Variants in ARHGAP44 observed in about 807,000 individuals in gnomAD.
The protein encoded by ARHGAP44 is Rho GTPase activating protein 44, also known as rho GTPase-activating protein 44.
In ARHGAP44, 43 loss-of-function variants were observed where a neutral mutation model predicts 106.8. The ratio of observed to expected loss-of-function variants is 0.40; its 90% CI spans 0.32 to 0.52. ARHGAP44 has a LOEUF of 0.52. Ranked by LOEUF, ARHGAP44 falls within the 20% of genes least tolerant of loss-of-function variation. The pLI is 0.48. For missense variants in ARHGAP44, 866 were observed against 1,050.5 expected (o/e 0.82, Z 2.43); for synonymous variants, 439 against 410.3 (o/e 1.07, Z -0.85).
intron 1 of ARHGAP44, among the ~76,000 whole-genome samples, chr17:12,840,734 A>G (rs1280652817): frequency 6.6e-6 from 1 of 152,176 alleles, no homozygotes; most frequent in Non-Finnish European, 1.5e-5. Context: ...TGCCCCATGT[A>G]AAGAGCGGAG....
chr17:12,829,546 G>T (rs1047834931), intron 1 of ARHGAP44, among the ~76,000 whole-genome samples: 2 of 152,000 alleles, frequency 1.3e-5, no homozygotes, highest in Non-Finnish European at 2.9e-5. Context: ...AGTCTCAATT[G>T]TACATAGAAC....
chr17:12,833,046 C>T lies in ARHGAP44; in HGVS notation c.53+43155C>T, dbSNP rs1293378373. Among the ~76,000 whole-genome samples, 7 of 152,306 alleles carry T rather than the reference C, an allele frequency of 4.6e-5. No individual in the cohort carries two copies. The East Asian group carries it at 1.2e-3, about 25-fold the overall frequency. On this transcript the variant is annotated intron_variant, in intron 1 of 20. Transcript: ENST00000379672. ...TGGGCACAGTACTATTTGAGAGCTC[C>T]CCTGTGTCCCTGCTCCATTCCCAGG... is the stretch of plus-strand genomic sequence containing the variant.
chr17:12,855,787 A>G (rs1477423772), intron 1 of ARHGAP44, among the ~76,000 whole-genome samples: 1 of 152,204 alleles, frequency 6.6e-6, no homozygotes, highest in African/African-American at 2.4e-5. Context: ...TGTGTGATGA[A>G]GTGTCTAGCA....
At chr17:12,920,744 G>T (rs956147240) in intron 6 of ARHGAP44, among the ~76,000 whole-genome samples, 1 of 152,170 alleles carries the variant, frequency 6.6e-6, no homozygotes, top group African/African-American at 2.4e-5. Flanking sequence ...TGATGGTGTA[G>T]GTGTCTGCTT....
chr17:12,965,712 C>T (rs6502222), intron 16 of ARHGAP44, among the ~76,000 whole-genome samples: 2,364 of 152,314 alleles, frequency 0.016, 62 homozygotes, highest in African/African-American at 0.054. Flanking sequence ...CAGACCTCCA[C>T]AGGGGGCTGT....
chr17:12,938,580 A>ATT lies in ARHGAP44; in HGVS notation c.583-2475_583-2474dup, dbSNP rs11450787. On this transcript the variant is annotated intron_variant, in intron 7 of 20. Coordinates refer to ENST00000379672, the MANE Select transcript of ARHGAP44 (RefSeq NM_014859.6). The stretch of plus-strand genomic sequence containing the variant: ...TTCTGGGACATTTGGTTAGCTATAT[A>ATT]TTAAAAAAAAAAAAAAAAAAAAACA... Among the ~76,000 whole-genome samples the ATT allele has an allele frequency of 1.5e-3, 187 of 120,778 alleles. 2 individuals carry two copies. The highest frequency in any genetic ancestry group is 9.4e-3 in the South Asian group (30 of 3,190). The allele number at this position is 120,778 out of a possible 152,430, so 79.2% of individuals were successfully genotyped here. A position where few individuals can be genotyped will look rare whatever the true frequency, so the allele number is the denominator to read the frequency against.
intron 3 of ARHGAP44, among the ~76,000 whole-genome samples, chr17:12,904,977 C>T (rs892334431): frequency 2.6e-5 from 4 of 152,264 alleles, no homozygotes; most frequent in Admixed American, 2.6e-4. Flanking sequence ...TCTCAGCTCA[C>T]TGCAACCTCT....
intron 7 of ARHGAP44, among the ~76,000 whole-genome samples, chr17:12,933,278 G>A (rs967780888): frequency 1.3e-5 from 2 of 152,156 alleles, no homozygotes; most frequent in Non-Finnish European, 2.9e-5. Flanking sequence ...CCAGCCAAGT[G>A]CCAGTTTGTA....
chr17:12,967,493 T>C (rs1007004756), intron 16 of ARHGAP44, among the ~76,000 whole-genome samples: 1 of 152,088 alleles, frequency 6.6e-6, no homozygotes, highest in Non-Finnish European at 1.5e-5. Flanking sequence ...TTCTGAACCC[T>C]GCCATCATGG....
At chr17:12,910,197 C>A in intron 4 of ARHGAP44, among the ~76,000 whole-genome samples, 1 of 149,084 alleles carries the variant, frequency 6.7e-6, no homozygotes, top group African/African-American at 2.5e-5. Flanking sequence ...TTCACAGAAA[C>A]AGAAGAAAGA....
Position 12,910,966 on chromosome 17 carries a change from G to T in ARHGAP44, c.275+1993G>T, listed in dbSNP as rs372066125. On this transcript the variant is annotated intron_variant, in intron 4 of 20. Coordinates refer to ENST00000379672, the MANE Select transcript of ARHGAP44 (RefSeq NM_014859.6). ...CTAACCACAAAAAGAATAGAAATAG[G>T]ATATATAACTTTCAAACTAACAAAG... Among the ~76,000 whole-genome samples, 3 of 141,648 alleles carry T rather than the reference G, an allele frequency of 2.1e-5. 1 individual carries two copies. The highest frequency in any genetic ancestry group is 2.6e-5 in the African/African-American group (1 of 38,000). The allele number at this position is 141,648 out of a possible 152,430, so 92.9% of individuals were successfully genotyped here. A position where few individuals can be genotyped will look rare whatever the true frequency, so the allele number is the denominator to read the frequency against.
Position 12,949,093 on chromosome 17 carries a change from G to A in ARHGAP44, c.862-47G>A, listed in dbSNP as rs2143071077. 3 of 1,523,134 alleles carry A rather than the reference G, an allele frequency of 2.0e-6. No homozygotes were observed. Among genetic ancestry groups the A allele is most frequent in the East Asian group, 4.9e-5 (2 of 40,786 alleles). The allele number at this position is 1,523,134 out of a possible 1,614,324, so 94.4% of individuals were successfully genotyped here. On this transcript the variant is annotated intron_variant, in intron 10 of 20. Transcript: ENST00000379672. The surrounding 1 kb of genome is among the most constrained non-coding windows in gnomAD (Gnocchi z 4.1). ...AGTTGCGGGGTCTCTGCGCTTTGAT[G>A]TTGTACCTTGGAGTTGCTGTGCGCT...
At chr17:12,916,312 C>G (rs148790771) in intron 5 of ARHGAP44, among the ~76,000 whole-genome samples, 3 of 152,150 alleles carry the variant, frequency 2.0e-5, no homozygotes, top group African/African-American at 7.2e-5. Flanking sequence ...CACCTTCCAC[C>G]CATCTCAAGT....
chr17:12,819,960 G>A (rs76640083), intron 1 of ARHGAP44, among the ~76,000 whole-genome samples: 3,516 of 152,032 alleles, frequency 0.023, 127 homozygotes, highest in African/African-American at 0.079. Flanking sequence ...TAGTTTTTGT[G>A]TCCTATTGAA....
chr17:12,883,336 T>G lies in ARHGAP44; in HGVS notation c.54-11604T>G, dbSNP rs565109663. Among the ~76,000 whole-genome samples, 32 of 151,760 alleles carry G rather than the reference T, an allele frequency of 2.1e-4. 1 individual carries two copies. In the South Asian group the frequency reaches 6.4e-3, roughly 30 times the overall value. Reference sequence around the variant, plus strand: ...GAGGCTTGCCATTTTGTTAGTTTTTTTCAAAGAATTAACCTATATGATTTT... The same window carrying G: ...GAGGCTTGCCATTTTGTTAGTTTTTGTCAAAGAATTAACCTATATGATTTT... On this transcript the variant is annotated intron_variant, in intron 1 of 20. Coordinates refer to ENST00000379672, the MANE Select transcript of ARHGAP44 (RefSeq NM_014859.6).
At chr17:12,820,289 C>T (rs565233378) in intron 1 of ARHGAP44, among the ~76,000 whole-genome samples, 3 of 151,780 alleles carry the variant, frequency 2.0e-5, no homozygotes, top group East Asian at 1.9e-4. Context: ...TCATGGGGTA[C>T]GTTGTGATGT....
chr17:12,873,906 A>T (rs867606801), intron 1 of ARHGAP44, among the ~76,000 whole-genome samples: 63 of 52,158 alleles, frequency 1.2e-3, no homozygotes, highest in African/African-American at 2.8e-3. Context: ...TCAGTCTCAA[A>T]AAATAAATAA....
chr17:12,974,350 G>A, intron 18 of ARHGAP44, 40 bp downstream of exon 18: 1 of 1,347,226 alleles, frequency 7.4e-7, no homozygotes, highest in Non-Finnish European at 9.5e-7. Context: ...GCTGGTGTGC[G>A]GTGCAGGGGG....
chr17:12,854,663 A>C, intron 1 of ARHGAP44, among the ~76,000 whole-genome samples: 1 of 152,216 alleles, frequency 6.6e-6, no homozygotes, highest in South Asian at 2.1e-4. Flanking sequence ...TATGCCAAAA[A>C]GAAACAGTGT....
Sources: gnomAD v4.1 joint callset for allele counts (sites outside exome capture counted in the v4.1 genomes callset) on GRCh38, gnomAD v4.1.1 for gene constraint, Gnocchi (gnomAD v3.1) non-coding constraint, MANE v1.5 for transcripts, NCBI Gene and HGNC (gene_info 2026-07-23, HGNC 2026-07-21) for gene names.